Variants in ASTN2 observed in about 807,000 individuals in gnomAD.
ASTN2 encodes the protein astrotactin 2, also known as astrotactin-2.
Under a neutral mutation model 139.8 loss-of-function variants are expected in ASTN2, and 54 were observed. That is an observed-to-expected ratio of 0.39 (90% CI 0.31 to 0.48). The LOEUF is 0.48. ASTN2 is among the 20% of genes least tolerant of loss of function. The pLI, the probability that ASTN2 is intolerant of heterozygous loss-of-function variation, is 0.95. For synonymous variants in ASTN2, 756 were observed against 719.5 expected, an observed-to-expected ratio of 1.05 and a Z score of -0.81; for missense variants, 1,565 against 1,725.1, an observed-to-expected ratio of 0.91 and a Z score of 1.64.
chr9:117,244,054 A>G (rs186952450), intron 2 of ASTN2, among the ~76,000 whole-genome samples: 26 of 152,106 alleles, frequency 1.7e-4, no homozygotes, highest in African/African-American at 4.3e-4. Context: ...AGTTCTCATG[A>G]GATATGATGG....
chr9:116,423,857 T>C lies in ASTN2; in HGVS notation c.*1994A>G, dbSNP rs1847242814. Reference sequence around the variant, plus strand: ...GTTATCAGGAAGGGGATTGTCAATCTCATCAACATTTGCCAAATTGAGAAG... The same window carrying C: ...GTTATCAGGAAGGGGATTGTCAATCCCATCAACATTTGCCAAATTGAGAAG... On this transcript the variant is annotated 3_prime_UTR_variant, in exon 23 of 23. Transcript: ENST00000313400. 6.6e-6 allele frequency among the ~76,000 whole-genome samples: 1 copy of C among 152,208 alleles called. No homozygotes were observed. Among genetic ancestry groups the C allele is most frequent in the East Asian group, 1.9e-4 (1 of 5,194 alleles).
chr9:116,999,277 C>A (rs908770702), intron 7 of ASTN2, among the ~76,000 whole-genome samples: 4 of 152,074 alleles, frequency 2.6e-5, no homozygotes, highest in African/African-American at 7.2e-5. Flanking sequence ...TTGTATCTTG[C>A]CACTAATTTA....
At chr9:117,079,671 G>A (rs1587940166) in intron 5 of ASTN2, among the ~76,000 whole-genome samples, 1 of 93,124 alleles carries the variant, frequency 1.1e-5, no homozygotes, top group Non-Finnish European at 2.3e-5. Flanking sequence ...GTAAAAGTGA[G>A]ATATATTCAT....
At chr9:116,579,085 C>G (rs547272922) in intron 19 of ASTN2, 2 of 152,194 alleles carry the variant, frequency 1.3e-5, no homozygotes, top group South Asian at 4.1e-4. Context: ...GGAAAAACCA[C>G]AGCCTCCAAG....
intron 6 of ASTN2, among the ~76,000 whole-genome samples, chr9:117,036,949 T>G (rs148932921): frequency 6.6e-6 from 1 of 152,184 alleles, no homozygotes; most frequent in Non-Finnish European, 1.5e-5. Flanking sequence ...AACATCTTGA[T>G]TTCTATGCAT....
chr9:116,938,283 C>A (rs1408533030), intron 10 of ASTN2, among the ~76,000 whole-genome samples: 1 of 152,054 alleles, frequency 6.6e-6, no homozygotes, highest in Non-Finnish European at 1.5e-5. Context: ...TAATACAATC[C>A]TTGGTTGACA....
intron 2 of ASTN2, among the ~76,000 whole-genome samples, chr9:117,275,876 G>A (rs982090720): frequency 1.3e-5 from 2 of 152,046 alleles, no homozygotes; most frequent in African/African-American, 2.4e-5. Flanking sequence ...GTTGGATTAG[G>A]AGCTCACTCT....
At chr9:116,547,567 T>C (rs1056187984) in intron 19 of ASTN2, 1 of 152,220 alleles carries the variant, frequency 6.6e-6, no homozygotes, top group Non-Finnish European at 1.5e-5. Flanking sequence ...GGACTTCATC[T>C]TTCCAATCCT....
At chr9:116,711,385 T>C (rs1828154052) in intron 16 of ASTN2, among the ~76,000 whole-genome samples, 1 of 152,208 alleles carries the variant, frequency 6.6e-6, no homozygotes, top group Non-Finnish European at 1.5e-5. Context: ...ATACAAGGTA[T>C]GGCAGCAGGA....
chr9:117,269,863 C>T (rs958643243), intron 2 of ASTN2, among the ~76,000 whole-genome samples: 4 of 152,128 alleles, frequency 2.6e-5, no homozygotes, highest in African/African-American at 9.7e-5. Flanking sequence ...ATCTACTGTC[C>T]CAATGGTTTC....
chr9:116,704,528 T>C (rs1827940367), intron 16 of ASTN2, among the ~76,000 whole-genome samples: 1 of 152,208 alleles, frequency 6.6e-6, no homozygotes, highest in Non-Finnish European at 1.5e-5. Flanking sequence ...TGGGATAGTA[T>C]ATGTAAAAGT....
intron 1 of ASTN2, among the ~76,000 whole-genome samples, chr9:117,395,517 C>T (rs936556908): frequency 2.0e-5 from 3 of 152,180 alleles, no homozygotes; most frequent in Non-Finnish European, 2.9e-5. Flanking sequence ...CCTGCCCAAC[C>T]GTCCCTAAAG....
chr9:116,640,197 A>G (rs1039463423), intron 17 of ASTN2, among the ~76,000 whole-genome samples: 58 of 152,330 alleles, frequency 3.8e-4, no homozygotes, highest in Admixed American at 5.9e-4. Flanking sequence ...TGCAAAAGAA[A>G]GGAATTGAGA....
At chr9:116,983,680 A>G (rs1425903035) in intron 7 of ASTN2, among the ~76,000 whole-genome samples, 2 of 152,202 alleles carry the variant, frequency 1.3e-5, no homozygotes, top group Non-Finnish European at 2.9e-5. Context: ...CTTTGTCTTC[A>G]GGCTTGGCAT....
At chr9:116,609,258 T>C (rs1408412934) in intron 19 of ASTN2, among the ~76,000 whole-genome samples, 2 of 149,708 alleles carry the variant, frequency 1.3e-5, no homozygotes, top group East Asian at 3.9e-4. Context: ...AATAAATGGC[T>C]AATAAAGAGA....
At chr9:117,411,382 C>T (rs578120617) in intron 1 of ASTN2, among the ~76,000 whole-genome samples, 1 of 145,182 alleles carries the variant, frequency 6.9e-6, no homozygotes, top group African/African-American at 2.6e-5. Context: ...AAGGAAACTT[C>T]CATTTACTTA....
At chr9:116,516,167 T>C (rs1024358723) in intron 19 of ASTN2, among the ~76,000 whole-genome samples, 1 of 152,176 alleles carries the variant, frequency 6.6e-6, no homozygotes. Flanking sequence ...CAGGGGAATG[T>C]GACTTGCATT....
chr9:116,669,092 T>C (rs755026049), intron 16 of ASTN2, among the ~76,000 whole-genome samples: 1 of 152,164 alleles, frequency 6.6e-6, no homozygotes, highest in Non-Finnish European at 1.5e-5. Context: ...AGGCGGAAGC[T>C]ATTTTCCATA....
intron 11 of ASTN2, among the ~76,000 whole-genome samples, chr9:116,858,367 T>G (rs1832793967): frequency 6.6e-6 from 1 of 152,286 alleles, no homozygotes; most frequent in East Asian, 1.9e-4. Flanking sequence ...TTGTCTGGTG[T>G]TGGGTTAATC....
Sources: gnomAD v4.1 joint callset for allele counts (sites outside exome capture counted in the v4.1 genomes callset) on GRCh38, gnomAD v4.1.1 for gene constraint, MANE v1.5 for transcripts, NCBI Gene and HGNC (gene_info 2026-07-23, HGNC 2026-07-21) for gene names.